The following PIEZO2 variants were observed in gnomAD, a reference collection of about 807,000 sequenced individuals.
PIEZO2 encodes the protein piezo-type mechanosensitive ion channel component 2.
In PIEZO2, 172 loss-of-function variants were observed where a neutral mutation model predicts 337.3. The ratio of observed to expected loss-of-function variants is 0.51; its 90% CI spans 0.45 to 0.58. The LOEUF (loss-of-function observed/expected upper bound fraction) is 0.58, where lower values mean the gene tolerates loss of function less well. PIEZO2 is among the 20% of genes least tolerant of loss of function. The pLI, the probability that PIEZO2 is intolerant of heterozygous loss-of-function variation, is 0.00. For synonymous variants in PIEZO2, 1,251 were observed against 1,228.5 expected (o/e 1.02, Z -0.38); for missense variants, 3,028 against 3,391.3 (o/e 0.89, Z 2.66).
chr18:10,961,967 C>T (rs549221991), intron 3 of PIEZO2, among the ~76,000 whole-genome samples: 1 of 152,220 alleles, frequency 6.6e-6, no homozygotes, highest in African/African-American at 2.4e-5. Flanking sequence ...AGAGTGTTGG[C>T]TTTCCCTGGA....
Position 11,104,466 on chromosome 18 carries a change from C to T in PIEZO2, c.65-38244G>A, listed in dbSNP as rs952461603. ...TGAATTGGCAGCAGAGATCAATGAA[C>T]GCAGCTGCCCTTCTCTCTAGGGGTG... is the stretch of plus-strand genomic sequence containing the variant. On this transcript the variant is annotated intron_variant, in intron 1 of 55. Coordinates refer to ENST00000674853, the MANE Select transcript of PIEZO2 (RefSeq NM_001378183.1). The surrounding 1 kb of genome is among the most constrained non-coding windows in gnomAD (Gnocchi z 4.6). Among the ~76,000 whole-genome samples the T allele has an allele frequency of 1.3e-5, 2 of 152,156 alleles. No homozygotes were observed. Among genetic ancestry groups the T allele is most frequent in the South Asian group, 2.1e-4 (1 of 4,828 alleles).
intron 49 of PIEZO2, among the ~76,000 whole-genome samples, chr18:10,684,814 C>T (rs568151232): frequency 5.3e-5 from 8 of 152,292 alleles, no homozygotes; most frequent in East Asian, 1.9e-4. Flanking sequence ...TGCGCTGCTC[C>T]GTTACCCCTT....
intron 4 of PIEZO2, among the ~76,000 whole-genome samples, chr18:10,883,236 A>G (rs1484613163): frequency 5.3e-5 from 8 of 152,110 alleles, no homozygotes. Flanking sequence ...AAGGGAGTAT[A>G]AATATCTCCT....
chr18:11,123,890 A>C (rs1194956758), intron 1 of PIEZO2, among the ~76,000 whole-genome samples: 1 of 152,194 alleles, frequency 6.6e-6, no homozygotes, highest in Non-Finnish European at 1.5e-5. Context: ...AGATAAACTA[A>C]GATTGCTGAA....
chr18:10,675,183 C>A, intron 54 of PIEZO2, 26 bp downstream of exon 54: 1 of 1,467,444 alleles, frequency 6.8e-7, no homozygotes, highest in South Asian at 1.2e-5. Flanking sequence ...GAAAACAATT[C>A]TGAAACAAAT....
intron 1 of PIEZO2, among the ~76,000 whole-genome samples, chr18:11,100,847 G>A (rs1310988973): frequency 6.6e-6 from 1 of 152,068 alleles, no homozygotes; most frequent in Non-Finnish European, 1.5e-5. Context: ...CGCCCACCTT[G>A]GCCTCCCAAA....
chr18:10,855,306 C>A lies in PIEZO2; in HGVS notation c.917+47G>T. ...CAATGCCAAACCAAGGTCCCAAAGG[C>A]GTGGGGGGACAACCTCTCCTGGAAA... On this transcript the variant is annotated intron_variant, in intron 7 of 55. Transcript: ENST00000674853. The surrounding 1 kb of genome is among the most constrained non-coding windows in gnomAD (Gnocchi z 4.9). The A allele has an allele frequency of 6.9e-7, 1 of 1,455,940 alleles. No homozygotes were observed. Among genetic ancestry groups the A allele is most frequent in the South Asian group, 1.2e-5 (1 of 81,806 alleles). 90.2% of individuals were successfully genotyped at this position (1,455,940 alleles called of 1,614,324 possible). A position where few individuals can be genotyped will look rare whatever the true frequency, so the allele number is the denominator to read the frequency against.
At chr18:10,868,380 T>C (rs931123449) in intron 5 of PIEZO2, among the ~76,000 whole-genome samples, 4 of 152,186 alleles carry the variant, frequency 2.6e-5, no homozygotes, top group African/African-American at 9.7e-5. Flanking sequence ...GCCAGGTACT[T>C]TTATTCCTCT....
intron 4 of PIEZO2, among the ~76,000 whole-genome samples, chr18:10,901,855 A>C (rs1368506631): frequency 6.6e-6 from 1 of 152,152 alleles, no homozygotes; most frequent in African/African-American, 2.4e-5. Flanking sequence ...TCTTCATAAA[A>C]ATCACACTTC....
intron 1 of PIEZO2, among the ~76,000 whole-genome samples, chr18:11,093,934 C>T (rs769036100): frequency 1.5e-4 from 23 of 151,984 alleles, no homozygotes; most frequent in Non-Finnish European, 2.4e-4. Context: ...TCTCGGATAG[C>T]TAAAATTATT....
intron 34 of PIEZO2, among the ~76,000 whole-genome samples, chr18:10,735,555 C>T (rs1157185815): frequency 6.6e-6 from 1 of 152,126 alleles, no homozygotes; most frequent in African/African-American, 2.4e-5. Context: ...TTCATGTTCT[C>T]TCCTTGGCTG....
intron 4 of PIEZO2, among the ~76,000 whole-genome samples, chr18:10,905,781 AC>A (rs2043161211): frequency 6.6e-6 from 1 of 151,734 alleles, no homozygotes; most frequent in Non-Finnish European, 1.5e-5. Flanking sequence ...TCCTAAGTCC[AC>A]TCTTTTATAA....
At position 11,028,363 on chromosome 18, in the gene PIEZO2, C is replaced by G. The variant is rs1045788722; in HGVS notation, c.160+37764G>C. 6.6e-6 allele frequency among the ~76,000 whole-genome samples: 1 copy of G among 152,016 alleles called. No homozygotes were observed. Among genetic ancestry groups the G allele is most frequent in the African/African-American group, 2.4e-5 (1 of 41,374 alleles). On this transcript the variant is annotated intron_variant, in intron 2 of 55. Coordinates refer to ENST00000674853, the MANE Select transcript of PIEZO2 (RefSeq NM_001378183.1). This position sits in a 1 kb window ranked among gnomAD's most constrained non-coding sequence, Gnocchi z 4.8. ...GCAACCTCTGCCTCCCAGGTTCAAG[C>G]AATTATCTTGCCTCAGCCTCCTGAG... is the stretch of plus-strand genomic sequence containing the variant.
intron 2 of PIEZO2, among the ~76,000 whole-genome samples, chr18:11,058,117 C>T (rs962093379): frequency 1.3e-5 from 2 of 152,190 alleles, no homozygotes; most frequent in African/African-American, 4.8e-5. Context: ...TTTAAGACTG[C>T]CCCAAGACAG....
chr18:10,793,642 G>A (rs2039484732), intron 13 of PIEZO2, among the ~76,000 whole-genome samples: 1 of 152,182 alleles, frequency 6.6e-6, no homozygotes, highest in African/African-American at 2.4e-5. Context: ...GAATATGTGT[G>A]TGTGGGTCTG....
At position 10,716,359 on chromosome 18, in the gene PIEZO2, C is replaced by G. The variant is rs1447262786; in HGVS notation, c.5090-543G>C. On this transcript the variant is annotated intron_variant, in intron 37 of 55. Transcript: ENST00000674853. This position sits in a 1 kb window ranked among gnomAD's most constrained non-coding sequence, Gnocchi z 4.1. ...GGAACTATATTTTCTTTCTGATTTT[C>G]TTCATGACATTTTCTCTAGCTTCCT... is the stretch of plus-strand genomic sequence containing the variant. Among the ~76,000 whole-genome samples, 2 of 152,134 alleles carry G rather than the reference C, an allele frequency of 1.3e-5. No homozygotes were observed. The highest frequency in any genetic ancestry group is 6.5e-5 in the Admixed American group (1 of 15,280).
chr18:10,731,580 C>G (rs565179499), intron 35 of PIEZO2, 59 bp from the exon 36 acceptor site: 12 of 1,048,934 alleles, frequency 1.1e-5, no homozygotes, highest in African/African-American at 1.0e-4. Context: ...TAAAAGGGAC[C>G]TACACCAAGC....
intron 3 of PIEZO2, among the ~76,000 whole-genome samples, chr18:10,932,011 A>T (rs2032119479): frequency 6.6e-6 from 1 of 152,212 alleles, no homozygotes; most frequent in Non-Finnish European, 1.5e-5. Context: ...AGACATAGTG[A>T]AAGAATGGCC....
At chr18:11,072,650 C>A (rs2038386118) in intron 1 of PIEZO2, among the ~76,000 whole-genome samples, 1 of 152,166 alleles carries the variant, frequency 6.6e-6, no homozygotes, top group Admixed American at 6.5e-5. Context: ...TTTACAAAGT[C>A]TTTTATTTCT....
Sources: allele counts gnomAD v4.1 joint callset (sites outside exome capture counted in the v4.1 genomes callset), GRCh38; gene constraint gnomAD v4.1.1; non-coding constraint Gnocchi (gnomAD v3.1); transcripts MANE v1.5; gene names NCBI Gene and HGNC (gene_info 2026-07-23, HGNC 2026-07-21).